MUC7: variants seen among roughly 807,000 people sequenced by gnomAD.
MUC7 encodes the protein mucin 7, secreted.
Under a neutral mutation model 2.5 loss-of-function variants are expected in MUC7, and 2 were observed. That is an observed-to-expected ratio of 0.81 (90% CI 0.33 to 2.55). The LOEUF (loss-of-function observed/expected upper bound fraction) is 2.55, where lower values mean the gene tolerates loss of function less well. Ranked by LOEUF, MUC7 falls within the 30% of genes most tolerant of loss-of-function variation. The pLI, the probability that MUC7 is intolerant of heterozygous loss-of-function variation, is 0.11. For synonymous variants in MUC7, 133 were observed against 173.4 expected (o/e 0.77, Z 1.83); for missense variants, 408 against 455.6 (o/e 0.90, Z 0.95).
intron 1 of MUC7, among the ~76,000 whole-genome samples, chr4:70,459,712 G>A (rs892865257): frequency 6.6e-5 from 10 of 152,128 alleles, no homozygotes; most frequent in Non-Finnish European, 1.0e-4. Context: ...CACAAAGTAG[G>A]AATTGTTTGT....
intron 2 of MUC7, among the ~76,000 whole-genome samples, chr4:70,477,023 T>C (rs142864738): frequency 2.0e-4 from 31 of 152,342 alleles, no homozygotes; most frequent in African/African-American, 7.0e-4. Flanking sequence ...AATGCTTTCA[T>C]TCTCTTTAAA....
chr4:70,448,559 TTGTA>T (rs1350325950), intron 1 of MUC7, among the ~76,000 whole-genome samples: 1 of 152,212 alleles, frequency 6.6e-6, no homozygotes, highest in South Asian at 2.1e-4. Flanking sequence ...TGTCTGCCAT[TTGTA>T]TGTCTTCTTT....
upstream of MUC7, among the ~76,000 whole-genome samples, chr4:70,470,523 A>C (rs1734811095): frequency 6.6e-6 from 1 of 152,222 alleles, no homozygotes; most frequent in Non-Finnish European, 1.5e-5. Flanking sequence ...CAATATTTAA[A>C]GAAAATTAAA....
At chr4:70,438,140 C>A (rs968518934) in intron 1 of MUC7, among the ~76,000 whole-genome samples, 1 of 152,160 alleles carries the variant, frequency 6.6e-6, no homozygotes, top group East Asian at 1.9e-4. Flanking sequence ...AGGCTTACAA[C>A]CTCAAAAGAG....
At chr4:70,448,034 T>A (rs1282389684) in intron 1 of MUC7, among the ~76,000 whole-genome samples, 1 of 152,142 alleles carries the variant, frequency 6.6e-6, no homozygotes, top group Non-Finnish European at 1.5e-5. Context: ...GGTGGGAACT[T>A]GCCAACTTTT....
upstream of MUC7, among the ~76,000 whole-genome samples, chr4:70,469,178 C>A (rs191164536): frequency 6.6e-6 from 1 of 152,096 alleles, no homozygotes; most frequent in Non-Finnish European, 1.5e-5. Flanking sequence ...ATGTAATAAA[C>A]GGTGTTGGGA....
intron 1 of MUC7, among the ~76,000 whole-genome samples, chr4:70,444,510 C>A (rs563517101): frequency 6.6e-6 from 1 of 152,222 alleles, no homozygotes; most frequent in African/African-American, 2.4e-5. Flanking sequence ...ACTACCACCA[C>A]TGCACTTGCA....
chr4:70,447,546 T>G (rs1003503172), intron 1 of MUC7, among the ~76,000 whole-genome samples: 1 of 152,310 alleles, frequency 6.6e-6, no homozygotes, highest in South Asian at 2.1e-4. Flanking sequence ...TGATAATACA[T>G]CATAGTAATA....
rs34709517 is a variant in MUC7, at chr4:70,443,323, T to TAA, written c.-93+12645_-93+12646dup. ...AACCTAACACAAAAAGAATTTACCT[T>TAA]AAAAAAAAAACAGCCAATCAAATCC... is the stretch of plus-strand genomic sequence containing the variant. On this transcript the variant is annotated intron_variant, in intron 1 of 3. Coordinates refer to the MUC7 transcript ENST00000413702. 8.3e-4 allele frequency among the ~76,000 whole-genome samples: 124 copies of TAA among 148,554 alleles called. No individual in the cohort carries two copies. In the South Asian group the frequency reaches 0.014, roughly 16 times the overall value.
rs1735204087 is a variant in MUC7, at chr4:70,481,779, A to T, written c.1035A>T (p.Lys345Asn). The T allele has an allele frequency of 1.9e-6, 3 of 1,614,168 alleles. No individual in the cohort carries two copies. The highest frequency in any genetic ancestry group is 1.6e-4 in the Middle Eastern group (1 of 6,062). ...TCACTACTCAAACTACTACTACTAA[A>T]CAACCAACTTCAGCTCCTGGCCAAA... ...TSVTTQTTTT[K>N]QPTSAPGQNK... Residue 345 changes from lysine to asparagine, a missense_variant, in exon 3 of 3, where the codon AAA becomes AAT. Lys to Asn is a moderately conservative substitution (Grantham distance 94). Around this residue, in one of 3 missense-constraint regions of MUC7, gnomAD observed 175 missense variants for 187.1 expected, o/e 0.94. Coordinates refer to ENST00000304887, the MANE Select transcript of MUC7 (RefSeq NM_152291.3).
At chr4:70,437,487 T>C (rs1219851295) in intron 1 of MUC7, among the ~76,000 whole-genome samples, 5 of 152,196 alleles carry the variant, frequency 3.3e-5, no homozygotes, top group Non-Finnish European at 5.9e-5. Context: ...ACTGCTGTAC[T>C]AGCAGCAAGC....
At chr4:70,478,790 T>C (rs1577916958) in intron 2 of MUC7, among the ~76,000 whole-genome samples, 1 of 152,292 alleles carries the variant, frequency 6.6e-6, no homozygotes, top group East Asian at 1.9e-4. Context: ...ATATGACCTG[T>C]TCTATTTTAT....
intron 1 of MUC7, among the ~76,000 whole-genome samples, chr4:70,442,577 G>T (rs1734036241): frequency 6.6e-6 from 1 of 152,158 alleles, no homozygotes; most frequent in Non-Finnish European, 1.5e-5. Context: ...ATGAACCCAA[G>T]GAAGAGGCTT....
upstream of MUC7, chr4:70,472,166 G>A (rs1428393421): frequency 6.6e-6 from 1 of 152,138 alleles, no homozygotes. Context: ...CGACTGGAGT[G>A]TTATAAAACC....
At chr4:70,465,971 G>A (rs562315727) in intron 1 of MUC7, among the ~76,000 whole-genome samples, 11 of 152,246 alleles carry the variant, frequency 7.2e-5, no homozygotes, top group African/African-American at 2.6e-4. Context: ...TTGAAGTGAA[G>A]GAAAAAGTGT....
At chr4:70,449,316 C>T (rs188916141) in intron 1 of MUC7, among the ~76,000 whole-genome samples, 245 of 152,048 alleles carry the variant, frequency 1.6e-3, no homozygotes, top group South Asian at 5.4e-3. Context: ...ACAATTGTGA[C>T]GGAAAGCAAA....
chr4:70,452,126 T>C (rs1269837766), intron 1 of MUC7, among the ~76,000 whole-genome samples: 7 of 152,216 alleles, frequency 4.6e-5, no homozygotes, highest in African/African-American at 1.7e-4. Context: ...ATTCTTTTGT[T>C]TTCAGTCTAT....
At chr4:70,460,540 G>A (rs1458451445) in intron 1 of MUC7, among the ~76,000 whole-genome samples, 1 of 151,392 alleles carries the variant, frequency 6.6e-6, no homozygotes, top group Non-Finnish European at 1.5e-5. Context: ...TGCAGTTTGT[G>A]CCACTTTTAC....
chr4:70,482,650 TG>T lies in MUC7; in HGVS notation c.*773del, dbSNP rs1735235109. The T allele has an allele frequency of 6.6e-6, 1 of 152,260 alleles. No homozygotes were observed. Among genetic ancestry groups the T allele is most frequent in the Non-Finnish European group, 1.5e-5 (1 of 68,044 alleles). 9.4% of individuals were successfully genotyped at this position (152,260 alleles called of 1,614,324 possible). A position where few individuals can be genotyped will look rare whatever the true frequency, so the allele number is the denominator to read the frequency against. ...CCTCTGTGAACAACAAGAATATGTT[TG>T]TGTATGTTCACATGGTGCTTATAAT... is the stretch of plus-strand genomic sequence containing the variant. On this transcript the variant is annotated 3_prime_UTR_variant, in exon 3 of 3. Transcript: ENST00000304887.
Sources: gnomAD v4.1 joint callset for allele counts (sites outside exome capture counted in the v4.1 genomes callset) on GRCh38, gnomAD v4.1.1 for gene constraint, gnomAD v4.1.1 regional missense constraint, MANE v1.5 for transcripts, NCBI Gene and HGNC (gene_info 2026-07-23, HGNC 2026-07-21) for gene names.